The following DCAF1 variants were observed in gnomAD, a reference collection of about 807,000 sequenced individuals.
DCAF1 encodes the protein DDB1- and CUL4-associated factor 1.
In DCAF1, 15 loss-of-function variants were observed where a neutral mutation model predicts 128.0. That is an observed-to-expected ratio of 0.12 (90% CI 0.08 to 0.18). DCAF1 has a LOEUF of 0.18. Among genes scored for constraint, DCAF1 ranks in the 10% least tolerant of loss-of-function variants. The probability of loss-of-function intolerance (pLI) is 1.00; values close to 1 mark genes in which losing one functional copy is unlikely to be tolerated. For synonymous variants in DCAF1, 610 were observed against 603.0 expected (o/e 1.01, Z -0.17); for missense variants, 988 against 1,649.5 (o/e 0.60, Z 6.95).
At chr3:51,503,418 C>T (rs1553664734), upstream of DCAF1, among the ~76,000 whole-genome samples, 1 of 152,184 alleles carries the variant, frequency 6.6e-6, no homozygotes, top group Admixed American at 6.5e-5. Flanking sequence ...GAGCTTTTCA[C>T]TCCCAGCACC....
At chr3:51,418,937 C>A in intron 15 of DCAF1, 61 bp from the exon 16 acceptor site, 1 of 1,489,560 alleles carries the variant, frequency 6.7e-7, no homozygotes, top group Non-Finnish European at 8.9e-7. Flanking sequence ...AAAAAGCAAA[C>A]TGCTAGGATA....
intron 23 of DCAF1, among the ~76,000 whole-genome samples, chr3:51,403,987 A>G (rs1235455197): frequency 1.3e-5 from 2 of 152,178 alleles, no homozygotes; most frequent in African/African-American, 4.8e-5. Context: ...AGCCAAAAAG[A>G]AAAAAAAGTA....
intron 6 of DCAF1, among the ~76,000 whole-genome samples, chr3:51,453,571 G>A (rs929075537): frequency 1.3e-5 from 2 of 152,002 alleles, no homozygotes; most frequent in Middle Eastern, 3.2e-3. Context: ...GGTCAAGGCT[G>A]CAGTGAGCTT....
intron 10 of DCAF1, among the ~76,000 whole-genome samples, chr3:51,431,060 G>C (rs1553635440): frequency 1.3e-5 from 2 of 151,980 alleles, no homozygotes; most frequent in Admixed American, 1.3e-4. Flanking sequence ...TGCCCTTGTT[G>C]TCCCAGCTAC....
intron 9 of DCAF1, among the ~76,000 whole-genome samples, chr3:51,434,467 A>C (rs1296652428): frequency 2.6e-5 from 4 of 152,104 alleles, no homozygotes; most frequent in Non-Finnish European, 5.9e-5. Context: ...TTGGTGAAAA[A>C]CTGCAGTTTT....
intron 23 of DCAF1, among the ~76,000 whole-genome samples, chr3:51,406,045 A>G (rs1354170982): frequency 1.3e-5 from 2 of 151,842 alleles, no homozygotes; most frequent in African/African-American, 2.4e-5. Context: ...TTGAAAACAA[A>G]AACAAAAACA....
chr3:51,444,755 A>C (rs1553639842), intron 6 of DCAF1, among the ~76,000 whole-genome samples: 1 of 152,034 alleles, frequency 6.6e-6, no homozygotes, highest in Non-Finnish European at 1.5e-5. Flanking sequence ...GGCTCACTAC[A>C]AGCTCTGCCT....
intron 2 of DCAF1, among the ~76,000 whole-genome samples, chr3:51,484,180 A>G (rs1272387140): frequency 6.6e-6 from 1 of 152,082 alleles, no homozygotes; most frequent in Admixed American, 6.6e-5. Context: ...CCTCATCAAA[A>G]ATGCATTTAC....
intron 4 of DCAF1, among the ~76,000 whole-genome samples, chr3:51,467,249 T>G (rs1462513860): frequency 2.0e-5 from 3 of 152,036 alleles, no homozygotes; most frequent in African/African-American, 7.2e-5. Context: ...GGAGAATTGC[T>G]TGAACCCAGG....
Position 51,422,292 on chromosome 3 carries a change from CA to C in DCAF1, c.1972+14del, listed in dbSNP as rs1553632732. On this transcript the variant is annotated intron_variant, in intron 14 of 24. Transcript: ENST00000684031. ...CCAGACCAAGAAACAACAAAAATGGCAAAGTACAACCTACCTACAGTAGAGA... is the reference window on the plus strand; with the variant it reads ...CCAGACCAAGAAACAACAAAAATGGCAAGTACAACCTACCTACAGTAGAGA... 2 of 758,112 alleles carry C rather than the reference CA, an allele frequency of 2.6e-6. No individual in the cohort carries two copies. The highest frequency in any genetic ancestry group is 2.8e-5 in the South Asian group (2 of 70,452). 47.0% of individuals were successfully genotyped at this position (758,112 alleles called of 1,614,324 possible).
In DCAF1 at chr3:51,441,418, G is replaced by A. The variant is rs782393821; in HGVS notation, c.993C>T (p.Leu331=). 7.4e-6 allele frequency: 12 copies of A among 1,613,506 alleles called. No individual in the cohort carries two copies. In the Admixed American group the frequency reaches 2.0e-4, roughly 27 times the overall value. Residue 331 remains leucine (L), a synonymous_variant, in exon 8 of 25, where the codon CTC becomes CTT. Transcript: ENST00000684031. ...MTPAIEQRLI[L]QYLTPLGEYQ... ...ATTCTCCTAGAGGGGTCAAATATTG[G>A]AGAATGAGTCGCTGCTCGATAGCAG...
At chr3:51,434,162 G>A (rs1700622384) in intron 9 of DCAF1, among the ~76,000 whole-genome samples, 1 of 151,944 alleles carries the variant, frequency 6.6e-6, no homozygotes, top group Admixed American at 6.6e-5. Flanking sequence ...AGTACTTTGA[G>A]AGGCCAAGGT....
At chr3:51,460,733 A>G (rs1437886335) in intron 6 of DCAF1, among the ~76,000 whole-genome samples, 3 of 152,352 alleles carry the variant, frequency 2.0e-5, no homozygotes, top group Non-Finnish European at 4.4e-5. Context: ...ATGGAACAGA[A>G]TAGAGCCCTC....
rs193263838 is a variant in DCAF1 at position 51,453,675 on chromosome 3, G to A, written c.375+9439C>T. Among the ~76,000 whole-genome samples the A allele has an allele frequency of 1.4e-4, 22 of 152,188 alleles. No homozygotes were observed. The East Asian group carries it at 2.3e-3, about 16-fold the overall frequency. On this transcript the variant is annotated intron_variant, in intron 6 of 24. Coordinates refer to ENST00000684031, the MANE Select transcript of DCAF1 (RefSeq NM_001387579.1). ...AGCTTTAAAAATAAAGCAACTGGCC[G>A]GGCACAGTGGCTCACGCCTGTAATC...
chr3:51,465,089 T>G (rs1577236519), intron 5 of DCAF1, among the ~76,000 whole-genome samples: 1 of 152,342 alleles, frequency 6.6e-6, no homozygotes, highest in Admixed American at 6.5e-5. Flanking sequence ...GAAGATGTTA[T>G]TTCAGTAACC....
intron 21 of DCAF1, 23 bp downstream of exon 21, chr3:51,413,259 A>G: frequency 6.2e-7 from 1 of 1,605,540 alleles, no homozygotes; most frequent in Non-Finnish European, 8.5e-7. Flanking sequence ...CAAAATGTTC[A>G]ATGTCTGTCC....
intron 5 of DCAF1, among the ~76,000 whole-genome samples, chr3:51,466,536 T>C (rs1704147307): frequency 6.6e-6 from 1 of 152,144 alleles, no homozygotes; most frequent in Non-Finnish European, 1.5e-5. Flanking sequence ...ACTCTTATTT[T>C]TCCATTGAAA....
chr3:51,477,313 T>A (rs1577277464), intron 3 of DCAF1, among the ~76,000 whole-genome samples: 4 of 141,224 alleles, frequency 2.8e-5, no homozygotes, highest in African/African-American at 5.3e-5. Flanking sequence ...GCCAGATGAG[T>A]GAAGAAAAAA....
Position 51,398,459 on chromosome 3 carries a change from T to G in DCAF1, c.*310A>C. ...AAGAACACTATACAAAGAAAATATA[T>G]TGTGAAATACCCCAGAGACATGGTT... is the stretch of plus-strand genomic sequence containing the variant. On this transcript the variant is annotated 3_prime_UTR_variant, in exon 25 of 25. Coordinates refer to ENST00000684031, the MANE Select transcript of DCAF1 (RefSeq NM_001387579.1). 1 of 278,982 alleles carries G rather than the reference T, an allele frequency of 3.6e-6. No homozygotes were observed. Among genetic ancestry groups the G allele is most frequent in the Non-Finnish European group, 6.7e-6 (1 of 148,686 alleles). 17.3% of individuals were successfully genotyped at this position (278,982 alleles called of 1,614,324 possible). A position where few individuals can be genotyped will look rare whatever the true frequency, so the allele number is the denominator to read the frequency against.
Sources: allele counts gnomAD v4.1 joint callset (sites outside exome capture counted in the v4.1 genomes callset), GRCh38; gene constraint gnomAD v4.1.1; transcripts MANE v1.5; gene names NCBI Gene and HGNC (gene_info 2026-07-23, HGNC 2026-07-21).